Variants in CFAP251 observed in about 807,000 individuals in gnomAD.
The protein encoded by CFAP251 is cilia- and flagella-associated protein 251.
In CFAP251, 93 loss-of-function variants were observed where a neutral mutation model predicts 126.7. The ratio of observed to expected loss-of-function variants is 0.73; its 90% CI spans 0.62 to 0.87. CFAP251 has a LOEUF of 0.87. Ranked by LOEUF, CFAP251 falls within the 40% of genes least tolerant of loss-of-function variation. The pLI, the probability that CFAP251 is intolerant of heterozygous loss-of-function variation, is 0.00. For missense variants in CFAP251, 1,287 were observed against 1,389.2 expected, an observed-to-expected ratio of 0.93 and a Z score of 1.17; for synonymous variants, 503 against 506.9, an observed-to-expected ratio of 0.99 and a Z score of 0.10.
chr12:121,926,388 G>A (rs1246515379), intron 3 of CFAP251, among the ~76,000 whole-genome samples: 2 of 151,666 alleles, frequency 1.3e-5, no homozygotes, highest in Non-Finnish European at 2.9e-5. Context: ...GTGCAGTGGT[G>A]CGATCATGGT....
At position 121,922,919 on chromosome 12, in the gene CFAP251, A is replaced by T. The variant is rs192913013; in HGVS notation, c.379-703A>T. 8.4e-3 allele frequency among the ~76,000 whole-genome samples: 1,278 copies of T among 152,068 alleles called. 17 individuals carry two copies. The highest frequency in any genetic ancestry group is 0.029 in the African/African-American group (1,195 of 41,462). On this transcript the variant is annotated intron_variant, in intron 2 of 21. Coordinates refer to ENST00000288912, the MANE Select transcript of CFAP251 (RefSeq NM_144668.6). ...ATTCTCCTGCCTCAGCCTCCCGAGT[A>T]GCTGGGACTACAGGCGCCCGCCACC... is the stretch of plus-strand genomic sequence containing the variant.
intron 19 of CFAP251, among the ~76,000 whole-genome samples, chr12:121,986,897 G>T (rs1442690985): frequency 6.6e-6 from 1 of 152,068 alleles, no homozygotes; most frequent in Non-Finnish European, 1.5e-5. Flanking sequence ...ATACATTTCT[G>T]TACTATTTAA....
intron 3 of CFAP251, among the ~76,000 whole-genome samples, chr12:121,928,542 C>T (rs1232441686): frequency 2.0e-5 from 3 of 150,640 alleles, no homozygotes; most frequent in Admixed American, 2.0e-4. Context: ...CAATTTAATT[C>T]ACTGATTCTT....
chr12:121,969,489 TTTGTTG>T (rs894989526), intron 17 of CFAP251: 32 of 985,134 alleles, frequency 3.2e-5, no homozygotes, highest in Non-Finnish European at 3.7e-5. Context: ...TTCCCTTCTA[TTTGTTG>T]TTGTTGTTGA....
At chr12:121,942,182 C>T (rs907793789) in intron 5 of CFAP251, among the ~76,000 whole-genome samples, 2 of 152,118 alleles carry the variant, frequency 1.3e-5, no homozygotes, top group Admixed American at 6.6e-5. Context: ...CTTATGCAAC[C>T]ATCATCTCTA....
intron 19 of CFAP251, chr12:121,997,096 T>C (rs1269538926): frequency 1.3e-5 from 2 of 152,124 alleles, no homozygotes; most frequent in East Asian, 3.9e-4. Context: ...AAAGGAAGCA[T>C]GTGTGTTAGG....
intron 1 of CFAP251, among the ~76,000 whole-genome samples, chr12:121,920,222 C>CT (rs1161902952): frequency 1.6e-3 from 94 of 57,872 alleles, no homozygotes; most frequent in East Asian, 3.7e-3. Context: ...ACAAATGTGA[C>CT]TTTTTTTTTT....
intron 3 of CFAP251, among the ~76,000 whole-genome samples, chr12:121,924,367 G>C (rs961169335): frequency 1.3e-5 from 2 of 150,926 alleles, no homozygotes; most frequent in East Asian, 3.9e-4. Context: ...CACCTGCTTC[G>C]GTCTCCCAAA....
chr12:121,924,909 C>T (rs1005514836), intron 3 of CFAP251, among the ~76,000 whole-genome samples: 4 of 152,086 alleles, frequency 2.6e-5, no homozygotes, highest in Admixed American at 6.6e-5. Flanking sequence ...CCATTCCGCC[C>T]CTTTCCCCAG....
Position 121,954,217 on chromosome 12 carries a change from G to C in CFAP251, c.1418G>C (p.Trp473Ser), listed in dbSNP as rs773613073. ...SATMEGKLVVWDIHRPPSSAS... is the reference protein window; with the variant it reads ...SATMEGKLVVSDIHRPPSSAS... Reference sequence around the variant, plus strand: ...ACAATGGAAGGGAAGCTGGTTGTCTGGGACATACACCGCCCACCCTCATCT... The same window carrying C: ...ACAATGGAAGGGAAGCTGGTTGTCTCGGACATACACCGCCCACCCTCATCT... The change falls in exon 10 of 22, where the codon TGG becomes TCG. Residue 473 changes from tryptophan to serine, a missense_variant. Trp to Ser is a radical substitution (Grantham distance 177). Transcript: ENST00000288912. 6.2e-7 allele frequency: 1 copy of C among 1,614,102 alleles called. No homozygotes were observed. Among genetic ancestry groups the C allele is most frequent in the South Asian group, 1.1e-5 (1 of 91,068 alleles).
At chr12:121,942,410 G>A (rs1174239605) in intron 5 of CFAP251, 124 bp from the exon 6 acceptor site, 4 of 614,326 alleles carry the variant, frequency 6.5e-6, no homozygotes, top group Non-Finnish European at 1.2e-5. Flanking sequence ...AGATTCCACT[G>A]TATGGATAGA....
intron 21 of CFAP251, chr12:122,001,860 G>T: frequency 2.1e-6 from 1 of 484,150 alleles, no homozygotes; most frequent in Non-Finnish European, 3.8e-6. Context: ...TGCCGGCTTG[G>T]GTGGGTGAAT....
intron 15 of CFAP251, among the ~76,000 whole-genome samples, chr12:121,964,183 C>T (rs1274912934): frequency 6.7e-6 from 1 of 148,998 alleles, no homozygotes; most frequent in East Asian, 2.0e-4. Flanking sequence ...TTGTTGTAAA[C>T]AGTTCTTTCC....
At chr12:121,947,058 TG>T (rs1429126325) in intron 7 of CFAP251, among the ~76,000 whole-genome samples, 1 of 152,224 alleles carries the variant, frequency 6.6e-6, no homozygotes, top group Non-Finnish European at 1.5e-5. Flanking sequence ...ATTCTTCTTC[TG>T]GGGCTCCAAT....
rs1409103304 is a variant in CFAP251 at position 121,945,579 on chromosome 12, A to G, written c.1191+2604A>G. Among the ~76,000 whole-genome samples the G allele has an allele frequency of 4.7e-5, 7 of 148,982 alleles. No individual in the cohort carries two copies. In the East Asian group the frequency reaches 1.2e-3, roughly 26 times the overall value. On this transcript the variant is annotated intron_variant, in intron 7 of 21. Transcript: ENST00000288912. ...AGGATGGTCTCCATCTCCTGACCTC[A>G]TGATCCGCCCGCCTTGGCCTCCCAA...
At chr12:121,923,383 T>G (rs1880270051) in intron 2 of CFAP251, among the ~76,000 whole-genome samples, 1 of 152,162 alleles carries the variant, frequency 6.6e-6, no homozygotes, top group Non-Finnish European at 1.5e-5. Context: ...GGTCTTGAAC[T>G]CCTGGGCTCA....
chr12:121,990,765 CCTTGTGCAA>C (rs1447989702), intron 19 of CFAP251, among the ~76,000 whole-genome samples: 1 of 152,206 alleles, frequency 6.6e-6, no homozygotes, highest in African/African-American at 2.4e-5. Context: ...TGGGCCCCAG[CCTTGTGCAA>C]CAGAACCTAG....
At chr12:121,924,124 T>C (rs1381256137) in intron 3 of CFAP251, 134 bp downstream of exon 3, 12 of 1,200,478 alleles carry the variant, frequency 1.0e-5, no homozygotes, top group African/African-American at 1.5e-5. Flanking sequence ...TTGTGTTTTT[T>C]TTTTTAAGAC....
intron 3 of CFAP251, among the ~76,000 whole-genome samples, chr12:121,926,262 ATCTTCTT>A (rs1880410493): frequency 6.6e-6 from 1 of 151,656 alleles, no homozygotes; most frequent in African/African-American, 2.4e-5. Context: ...TATTGCATGT[ATCTTCTT>A]TCTTCTTTCT....
Sources: gnomAD v4.1 joint callset for allele counts (sites outside exome capture counted in the v4.1 genomes callset) on GRCh38, gnomAD v4.1.1 for gene constraint, MANE v1.5 for transcripts, NCBI Gene and HGNC (gene_info 2026-07-23, HGNC 2026-07-21) for gene names.